The following SMARCA4 variants were observed in gnomAD, a reference collection of about 807,000 sequenced individuals.
The protein encoded by SMARCA4 is SWI/SNF related BAF chromatin remodeling complex subunit ATPase 4.
Under a neutral mutation model 193.9 loss-of-function variants are expected in SMARCA4, and 31 were observed. The observed-to-expected ratio is 0.16, with a 90% CI of 0.12 to 0.22. The LOEUF (loss-of-function observed/expected upper bound fraction) is 0.22. SMARCA4 is among the 10% of genes least tolerant of loss of function. The probability of loss-of-function intolerance (pLI) is 1.00; values close to 1 mark genes in which losing one functional copy is unlikely to be tolerated. For synonymous variants in SMARCA4, 942 were observed against 933.1 expected, an observed-to-expected ratio of 1.01 and a Z score of -0.17; for missense variants, 1,148 against 2,296.0, an observed-to-expected ratio of 0.50 and a Z score of 10.22.
chr19:10,977,959 C>T (rs1308148442), intron 1 of SMARCA4: 1 of 152,390 alleles, frequency 6.6e-6, no homozygotes, highest in Non-Finnish European at 1.5e-5. Context: ...TGGCCTTGGC[C>T]TTGTGACCTG....
At chr19:11,015,131 A>G (rs1376113722) in intron 16 of SMARCA4, among the ~76,000 whole-genome samples, 1 of 152,138 alleles carries the variant, frequency 6.6e-6, no homozygotes, top group African/African-American at 2.4e-5. Context: ...CTTAGAAAAC[A>G]TTGTAGAGTT....
intron 1 of SMARCA4, among the ~76,000 whole-genome samples, chr19:10,971,452 A>C (rs1271963298): frequency 6.6e-6 from 1 of 151,344 alleles, no homozygotes; most frequent in Non-Finnish European, 1.5e-5. Context: ...CTGCTTGATT[A>C]GATTTATAGC....
rs2076925704 is a variant in SMARCA4, at chr19:11,062,052, A to G, written c.*236A>G. ...ACTGTCTTAAAGAGAGAGAGAGAGA[A>G]TTCCGAATTGGGGAACACACGATAC... On this transcript the variant is annotated 3_prime_UTR_variant, in exon 35 of 35. Transcript: ENST00000344626. The G allele has an allele frequency of 1.7e-6, 1 of 582,626 alleles. No homozygotes were observed. Among genetic ancestry groups the G allele is most frequent in the Admixed American group, 2.9e-5 (1 of 34,294 alleles). The allele number at this position is 582,626 out of a possible 1,614,324, so 36.1% of individuals were successfully genotyped here.
intron 11 of SMARCA4, among the ~76,000 whole-genome samples, chr19:10,998,991 C>T (rs1283391465): frequency 6.6e-6 from 1 of 151,898 alleles, no homozygotes; most frequent in Non-Finnish European, 1.5e-5. Context: ...TAGTCTCAAC[C>T]TCCTGGACTG....
chr19:11,053,391 T>G (rs1529727), intron 30 of SMARCA4, among the ~76,000 whole-genome samples: 85,823 of 149,502 alleles, frequency 0.57, 25,025 homozygotes, highest in East Asian at 0.75. Context: ...GGCGGAGGTT[T>G]CAGTAAGCCA....
At chr19:11,016,590 GT>G (rs549688156) in intron 16 of SMARCA4, among the ~76,000 whole-genome samples, 1 of 152,184 alleles carries the variant, frequency 6.6e-6, no homozygotes, top group African/African-American at 2.4e-5. Context: ...TGTTGCTTCA[GT>G]TTTTTTCAGA....
intron 29 of SMARCA4, among the ~76,000 whole-genome samples, chr19:11,037,303 A>G (rs560238711): frequency 3.6e-4 from 55 of 152,182 alleles, no homozygotes; most frequent in Non-Finnish European, 6.6e-4. Flanking sequence ...CTCTTTCTCT[A>G]CATCCTCAGC....
rs758354997 is a variant in SMARCA4, at chr19:11,058,994, G to A, written c.4635+105G>A. The A allele has an allele frequency of 1.3e-5, 12 of 897,022 alleles. No individual in the cohort carries two copies. Among genetic ancestry groups the A allele is most frequent in the African/African-American group, 3.3e-5 (2 of 60,924 alleles). 55.6% of individuals were successfully genotyped at this position (897,022 alleles called of 1,614,324 possible). On this transcript the variant is annotated intron_variant, in intron 32 of 34. Coordinates refer to ENST00000344626, the MANE Select transcript of SMARCA4 (RefSeq NM_003072.5). This position sits in a 1 kb window ranked among gnomAD's most constrained non-coding sequence, Gnocchi z 5.8. The stretch of plus-strand genomic sequence containing the variant: ...AATTGATGGGTTAAAAACAAGTCCC[G>A]CTAGCTGTGGTGGTTCGTGCCTGTA...
intron 11 of SMARCA4, among the ~76,000 whole-genome samples, chr19:11,001,642 G>A (rs1372610921): frequency 1.3e-5 from 2 of 151,286 alleles, no homozygotes; most frequent in Non-Finnish European, 2.9e-5. Flanking sequence ...GCCCATTGTT[G>A]GGGTAAGAGG....
chr19:10,995,299 C>G (rs1442029391), intron 9 of SMARCA4: 1 of 574,016 alleles, frequency 1.7e-6, no homozygotes, highest in East Asian at 3.9e-5. Flanking sequence ...TGGTGTGATC[C>G]AGACCCCCGA....
At chr19:11,035,442 C>T (rs984112257) in intron 29 of SMARCA4, among the ~76,000 whole-genome samples, 2 of 152,238 alleles carry the variant, frequency 1.3e-5, no homozygotes, top group Non-Finnish European at 2.9e-5. Context: ...TTGCTGATCT[C>T]AGTGGACTGC....
Position 11,023,414 on chromosome 19 carries a change from A to G in SMARCA4, c.2860-104A>G, listed in dbSNP as rs12611191. 179,051 of 768,086 alleles carry G rather than the reference A, an allele frequency of 0.23. 22,211 individuals are homozygous for G. Among genetic ancestry groups the G allele is most frequent in the Middle Eastern group, 0.28 (1,223 of 4,392 alleles). The allele number at this position is 768,086 out of a possible 1,614,324, so 47.6% of individuals were successfully genotyped here. A position where few individuals can be genotyped will look rare whatever the true frequency, so the allele number is the denominator to read the frequency against. On this transcript the variant is annotated intron_variant, in intron 19 of 34. Transcript: ENST00000344626. ...CACGTGCCAAGGGCAAGATCACCCCAGGGGACCCCGTCCACCCTGTCCCCA... is the reference window on the plus strand; with the variant it reads ...CACGTGCCAAGGGCAAGATCACCCCGGGGGACCCCGTCCACCCTGTCCCCA...
In SMARCA4 at chr19:11,019,368, C is replaced by A; in HGVS notation, c.2506-223C>A. 1.6e-6 allele frequency: 1 copy of A among 607,414 alleles called. No individual in the cohort carries two copies. The allele number at this position is 607,414 out of a possible 1,614,324, so 37.6% of individuals were successfully genotyped here. A position where few individuals can be genotyped will look rare whatever the true frequency, so the allele number is the denominator to read the frequency against. ...GCTGCGTGGTTCCCTCAGGCCCCGG[C>A]CGCCGCTGGCCTGCACTGCTTCCTC... On this transcript the variant is annotated intron_variant, in intron 17 of 34. Transcript: ENST00000344626. This position sits in a 1 kb window ranked among gnomAD's most constrained non-coding sequence, Gnocchi z 6.1.
Position 11,033,033 on chromosome 19 carries a change from C to A in SMARCA4, c.3547-257C>A, listed in dbSNP as rs912362809. The A allele has an allele frequency of 3.6e-5, 21 of 577,766 alleles. No homozygotes were observed. Among genetic ancestry groups the A allele is most frequent in the Non-Finnish European group, 5.9e-5 (19 of 321,050 alleles). The allele number at this position is 577,766 out of a possible 1,614,324, so 35.8% of individuals were successfully genotyped here. On this transcript the variant is annotated intron_variant, in intron 25 of 34. Coordinates refer to ENST00000344626, the MANE Select transcript of SMARCA4 (RefSeq NM_003072.5). This position sits in a 1 kb window ranked among gnomAD's most constrained non-coding sequence, Gnocchi z 9.8. Reference sequence around the variant, plus strand: ...CCCCTGGGGGGTTGGTGCTTTCTTCCCGAATATCTGTGGGGTCCCAATAAG... The same window carrying A: ...CCCCTGGGGGGTTGGTGCTTTCTTCACGAATATCTGTGGGGTCCCAATAAG...
intron 21 of SMARCA4, 94 bp from the exon 22 acceptor site, chr19:11,025,328 C>G: frequency 1.2e-6 from 1 of 813,208 alleles, no homozygotes; most frequent in Non-Finnish European, 2.2e-6. Context: ...TAGAGCGTCC[C>G]CATGGCCCTT....
intron 16 of SMARCA4, among the ~76,000 whole-genome samples, chr19:11,013,356 C>T (rs770449541): frequency 1.1e-4 from 17 of 152,204 alleles, no homozygotes; most frequent in Non-Finnish European, 2.2e-4. Flanking sequence ...TTCCTCTGTG[C>T]GTGTCTGTGT....
intron 29 of SMARCA4, among the ~76,000 whole-genome samples, chr19:11,036,293 T>C (rs2146724286): frequency 6.6e-6 from 1 of 152,322 alleles, no homozygotes; most frequent in East Asian, 1.9e-4. Flanking sequence ...CCTGCATTTT[T>C]TTCTTTTTTA....
Position 11,019,614 on chromosome 19 carries a change from C to T in SMARCA4, c.2529C>T (p.Ala843=), listed in dbSNP as rs1600257746. 1.2e-6 allele frequency: 2 copies of T among 1,612,524 alleles called. No homozygotes were observed. The highest frequency in any genetic ancestry group is 8.5e-7 in the Non-Finnish European group (1 of 1,179,264). The change falls in exon 18 of 35, where the codon GCC becomes GCT. Residue 843 remains alanine (A), a synonymous_variant. Coordinates refer to ENST00000344626, the MANE Select transcript of SMARCA4 (RefSeq NM_003072.5). The surrounding 1 kb of genome is among the most constrained non-coding windows in gnomAD (Gnocchi z 6.1). ...SYKGSPAARR[A]FVPQLRSGKF... is the part of the protein sequence containing the mutation. ...AGGGATCCCCAGCAGCAAGACGGGC[C>T]TTTGTCCCCCAGCTCCGGAGTGGGA...
chr19:10,987,123 T>A lies in SMARCA4; in HGVS notation c.859+120T>A. On this transcript the variant is annotated intron_variant, in intron 5 of 34. Coordinates refer to ENST00000344626, the MANE Select transcript of SMARCA4 (RefSeq NM_003072.5). This position sits in a 1 kb window ranked among gnomAD's most constrained non-coding sequence, Gnocchi z 5.3. ...AGGGTGGTCAGGCTGAACTGCAGCC[T>A]GTACTTTTCTTGTGGTGGTCCCCGG... 1.3e-6 allele frequency: 1 copy of A among 741,732 alleles called. No homozygotes were observed. 45.9% of individuals were successfully genotyped at this position (741,732 alleles called of 1,614,324 possible).
Sources: allele counts gnomAD v4.1 joint callset (sites outside exome capture counted in the v4.1 genomes callset), GRCh38; gene constraint gnomAD v4.1.1; non-coding constraint Gnocchi (gnomAD v3.1); transcripts MANE v1.5; gene names NCBI Gene and HGNC (gene_info 2026-07-23, HGNC 2026-07-21).